The following MIA2 variants were observed in gnomAD, a reference collection of about 807,000 sequenced individuals.
MIA2 encodes MIA SH3 domain ER export factor 2.
Under a neutral mutation model 167.8 loss-of-function variants are expected in MIA2, and 127 were observed. That is an observed-to-expected ratio of 0.76 (90% confidence interval 0.66 to 0.88). MIA2 has a LOEUF of 0.88. Among genes scored for constraint, MIA2 ranks in the 40% least tolerant of loss-of-function variants. MIA2 has a pLI of 0.00. For synonymous variants in MIA2, 552 were observed against 541.9 expected, an observed-to-expected ratio of 1.02 and a Z score of -0.26; for missense variants, 1,690 against 1,624.7, an observed-to-expected ratio of 1.04 and a Z score of -0.69.
intron 6 of MIA2, among the ~76,000 whole-genome samples, chr14:39,257,225 T>A (rs1420972188): frequency 1.3e-5 from 2 of 152,198 alleles, no homozygotes; most frequent in South Asian, 4.1e-4. Flanking sequence ...AGTCTAAGTC[T>A]CGTTGTAGGT....
chr14:39,348,826 C>G lies in MIA2; in HGVS notation c.3921C>G (p.Ile1307Met), dbSNP rs760727888. 6.2e-7 allele frequency: 1 copy of G among 1,613,990 alleles called. No individual in the cohort carries two copies. The highest frequency in any genetic ancestry group is 1.3e-5 in the African/African-American group (1 of 75,034). Residue 1307 changes from isoleucine to methionine, a missense_variant, in exon 28 of 29, where the codon ATC (isoleucine) becomes ATG (methionine). Transcript: ENST00000640607. ...PGFVPPPLAPIRGPLFPVDAR... is the reference protein window; with the variant it reads ...PGFVPPPLAPMRGPLFPVDAR... ...TTGTTCCTCCACCTCTTGCTCCAAT[C>G]AGAGGTCCATTGTTTCCAGTGGATG...
rs759233719 is a variant in MIA2, at chr14:39,234,151, G to A, written c.37G>A (p.Ala13Thr). Reference sequence around the variant, plus strand: ...TGGCGTTCACAGAATCCTTCTTCTGGCTATTTCTCTGACAAAGTGTCTGGA... The same window carrying A: ...TGGCGTTCACAGAATCCTTCTTCTGACTATTTCTCTGACAAAGTGTCTGGA... ...KFGVHRILLL[A>T]ISLTKCLEST... The change falls in exon 1 of 29, where the codon GCT becomes ACT. Residue 13 changes from alanine to threonine, a missense_variant. Physicochemically the swap from Ala to Thr is moderately conservative, Grantham distance 58 (BLOSUM62 0). Transcript: ENST00000640607. The A allele has an allele frequency of 1.9e-6, 3 of 1,608,392 alleles. No individual in the cohort carries two copies. Among genetic ancestry groups the A allele is most frequent in the Admixed American group, 3.4e-5 (2 of 58,958 alleles).
chr14:39,319,577 TAGTA>T (rs1442748727), intron 23 of MIA2, among the ~76,000 whole-genome samples: 1 of 152,068 alleles, frequency 6.6e-6, no homozygotes, highest in Admixed American at 6.5e-5. Context: ...GCTTGGCACA[TAGTA>T]AGGTACTCAT....
At chr14:39,304,080 C>T (rs942370954) in intron 16 of MIA2, among the ~76,000 whole-genome samples, 4 of 152,020 alleles carry the variant, frequency 2.6e-5, no homozygotes, top group Non-Finnish European at 5.9e-5. Flanking sequence ...TTCCCTGTCC[C>T]TTGTTCTGAG....
intron 23 of MIA2, among the ~76,000 whole-genome samples, chr14:39,381,822 A>G (rs1029981158): frequency 6.6e-5 from 10 of 151,508 alleles, no homozygotes; most frequent in African/African-American, 2.4e-4. Flanking sequence ...AACAAAAACA[A>G]AAAAACCAGA....
intron 25 of MIA2, among the ~76,000 whole-genome samples, chr14:39,334,161 T>C (rs1478504919): frequency 1.3e-5 from 2 of 152,216 alleles, no homozygotes; most frequent in Non-Finnish European, 2.9e-5. Flanking sequence ...TCTTGGTATA[T>C]TGGTACATGC....
intron 23 of MIA2, among the ~76,000 whole-genome samples, chr14:39,363,517 A>G (rs530222036): frequency 6.6e-6 from 1 of 152,330 alleles, no homozygotes; most frequent in African/African-American, 2.4e-5. Flanking sequence ...TGACACAGCG[A>G]GACCCTGTCT....
intron 3 of MIA2, among the ~76,000 whole-genome samples, chr14:39,240,964 C>T (rs1179832699): frequency 6.6e-6 from 1 of 152,102 alleles, no homozygotes; most frequent in Non-Finnish European, 1.5e-5. Context: ...CCTGGTATGC[C>T]TCAATTTCCT....
intron 25 of MIA2, among the ~76,000 whole-genome samples, chr14:39,342,698 C>T (rs1025795016): frequency 7.2e-5 from 11 of 151,960 alleles, no homozygotes; most frequent in African/African-American, 2.7e-4. Context: ...TGTTTGTGTG[C>T]GTAAATGTGT....
At chr14:39,238,487 T>G (rs1232564157) in intron 2 of MIA2, among the ~76,000 whole-genome samples, 1 of 152,036 alleles carries the variant, frequency 6.6e-6, no homozygotes, top group Non-Finnish European at 1.5e-5. Context: ...GTGTATAAGT[T>G]TTTTATAGAA....
At chr14:39,349,993 T>G (rs2074191373) in intron 28 of MIA2, 105 bp from the exon 29 acceptor site, 1 of 501,568 alleles carries the variant, frequency 2.0e-6, no homozygotes, top group Admixed American at 3.5e-5. Flanking sequence ...GTGTCAATTT[T>G]CAAATAAAAG....
chr14:39,386,509 C>T (rs2075274836), intron 23 of MIA2: 7 of 1,406,414 alleles, frequency 5.0e-6, no homozygotes, highest in Non-Finnish European at 6.9e-6. Flanking sequence ...GATTCTTGGC[C>T]TTTTTTTTTA....
At chr14:39,256,248 A>G (rs1318492929) in intron 6 of MIA2, among the ~76,000 whole-genome samples, 1 of 152,164 alleles carries the variant, frequency 6.6e-6, no homozygotes, top group Non-Finnish European at 1.5e-5. Flanking sequence ...TTCAGGCTAA[A>G]TATTCTGAGA....
chr14:39,295,087 C>A (rs901644752), intron 13 of MIA2, 58 bp downstream of exon 13: 1 of 1,203,658 alleles, frequency 8.3e-7, no homozygotes, highest in African/African-American at 1.5e-5. Flanking sequence ...ATGTTCTTGT[C>A]ATCCTCATGA....
intron 23 of MIA2, among the ~76,000 whole-genome samples, chr14:39,365,771 AC>A (rs2074809926): frequency 1.3e-5 from 2 of 151,454 alleles, no homozygotes; most frequent in Admixed American, 1.3e-4. Context: ...CTTGCATCTC[AC>A]TGAGCTTTAA....
intron 24 of MIA2, among the ~76,000 whole-genome samples, chr14:39,324,312 C>T (rs546855872): frequency 6.6e-6 from 1 of 152,238 alleles, no homozygotes; most frequent in African/African-American, 2.4e-5. Flanking sequence ...TCTGCTTTCC[C>T]AGCCTTCTTC....
At chr14:39,270,275 C>T (rs553847263) in intron 6 of MIA2, among the ~76,000 whole-genome samples, 58 of 146,772 alleles carry the variant, frequency 4.0e-4, no homozygotes, top group Non-Finnish European at 1.3e-4. Context: ...GATCTCGGCT[C>T]ACTGCAGCCT....
intron 6 of MIA2, among the ~76,000 whole-genome samples, chr14:39,259,954 C>G (rs548009204): frequency 6.6e-6 from 1 of 151,988 alleles, no homozygotes; most frequent in African/African-American, 2.4e-5. Context: ...TGAGAACATG[C>G]GGTGTTTGGT....
chr14:39,271,493 C>T (rs1224025380), intron 6 of MIA2, among the ~76,000 whole-genome samples: 12 of 152,052 alleles, frequency 7.9e-5, no homozygotes, highest in Non-Finnish European at 1.6e-4. Context: ...GAGTCCCTTG[C>T]ATTTCTATAT....
Sources: gnomAD v4.1 joint callset for allele counts (sites outside exome capture counted in the v4.1 genomes callset) on GRCh38, gnomAD v4.1.1 for gene constraint, MANE v1.5 for transcripts, NCBI Gene and HGNC (gene_info 2026-07-23, HGNC 2026-07-21) for gene names.